The following NCOA2 variants were observed in gnomAD, a reference collection of about 807,000 sequenced individuals.
The protein encoded by NCOA2 is class E basic helix-loop-helix protein 75.
Under a neutral mutation model 145.1 loss-of-function variants are expected in NCOA2, and 21 were observed. That is an observed-to-expected ratio of 0.14 (90% CI 0.10 to 0.21). The LOEUF is 0.21. Among genes scored for constraint, NCOA2 ranks in the 10% least tolerant of loss-of-function variants. NCOA2 has a pLI of 1.00. For missense variants in NCOA2, 1,472 were observed against 1,837.6 expected (o/e 0.80, Z 3.64); for synonymous variants, 619 against 637.5 (o/e 0.97, Z 0.44).
chr8:70,360,837 C>T (rs1810130461), intron 1 of NCOA2, among the ~76,000 whole-genome samples: 1 of 150,366 alleles, frequency 6.7e-6, no homozygotes, highest in African/African-American at 2.5e-5. Flanking sequence ...ACCAGGGAGG[C>T]TGAGGCAGAA....
chr8:70,232,072 A>C (rs1005746805), intron 2 of NCOA2, among the ~76,000 whole-genome samples: 1 of 152,098 alleles, frequency 6.6e-6, no homozygotes, highest in Non-Finnish European at 1.5e-5. Context: ...TCATGCCCTG[A>C]ACCTTGTTAT....
intron 4 of NCOA2, among the ~76,000 whole-genome samples, chr8:70,201,107 C>T (rs1369071302): frequency 1.4e-5 from 2 of 145,292 alleles, no homozygotes; most frequent in African/African-American, 2.5e-5. Context: ...CTGAACTGCA[C>T]ATTTAAAGAT....
chr8:70,137,973 A>G lies in NCOA2; in HGVS notation c.3158+230T>C, dbSNP rs1585791213. ...TTTTTATACCACACACTACCTCAAT[A>G]TTACAGTTATCAGCATACATATGTT... On this transcript the variant is annotated intron_variant, in intron 15 of 22. Transcript: ENST00000452400. 5 of 357,444 alleles carry G rather than the reference A, an allele frequency of 1.4e-5. No individual in the cohort carries two copies. In the East Asian group the frequency reaches 2.1e-4, roughly 15 times the overall value. The allele number at this position is 357,444 out of a possible 1,614,324, so 22.1% of individuals were successfully genotyped here.
rs187325448 is a variant in NCOA2 at position 70,382,275 on chromosome 8, G to A, written c.-77+21425C>T. Among the ~76,000 whole-genome samples, 127 of 152,150 alleles carry A rather than the reference G, an allele frequency of 8.3e-4. 1 individual carries two copies. Among genetic ancestry groups the A allele is most frequent in the African/African-American group, 2.9e-3 (122 of 41,532 alleles). ...AAAAGTCAGTGCCCCGAGGCCAGGA[G>A]GAGGCCCACCTGACACAAGCAGGCA... is the stretch of plus-strand genomic sequence containing the variant. On this transcript the variant is annotated intron_variant, in intron 1 of 22. Transcript: ENST00000452400.
the NCOA2 span, among the ~76,000 whole-genome samples, chr8:70,446,327 C>T: frequency 6.6e-6 from 1 of 152,196 alleles, no homozygotes; most frequent in Non-Finnish European, 1.5e-5. Flanking sequence ...CCTCAGATAG[C>T]TTCGTAGTCA....
chr8:70,257,911 T>C (rs1235555423), intron 2 of NCOA2, among the ~76,000 whole-genome samples: 8 of 151,958 alleles, frequency 5.3e-5, no homozygotes, highest in Non-Finnish European at 7.4e-5. Flanking sequence ...GAGCATGTCT[T>C]TTTTCTTTTC....
At chr8:70,238,389 A>G (rs568234198) in intron 2 of NCOA2, among the ~76,000 whole-genome samples, 6 of 151,012 alleles carry the variant, frequency 4.0e-5, no homozygotes, top group Non-Finnish European at 8.8e-5. Context: ...CAATGTAAAT[A>G]TTGTTCCTAT....
chr8:70,399,975 G>A (rs1203812127), intron 1 of NCOA2, among the ~76,000 whole-genome samples: 1 of 152,210 alleles, frequency 6.6e-6, no homozygotes, highest in African/African-American at 2.4e-5. Flanking sequence ...ACTGCTCACA[G>A]ATCCTTGATG....
intron 2 of NCOA2, among the ~76,000 whole-genome samples, chr8:70,288,367 TTAG>T (rs1242707816): frequency 1.4e-4 from 21 of 151,980 alleles, no homozygotes; most frequent in Admixed American, 1.3e-3. Context: ...TCCCCTGAGG[TTAG>T]GAGTTCAAGA....
chr8:70,338,366 T>TATA (rs1807823223), intron 1 of NCOA2, among the ~76,000 whole-genome samples: 1 of 152,010 alleles, frequency 6.6e-6, no homozygotes, highest in African/African-American at 2.4e-5. Flanking sequence ...CCTGGACACA[T>TATA]ACACCCTCCC....
intron 6 of NCOA2, among the ~76,000 whole-genome samples, 190 bp from the exon 7 acceptor site, chr8:70,166,944 G>C (rs1464920012): frequency 1.3e-5 from 2 of 151,898 alleles, no homozygotes; most frequent in Non-Finnish European, 2.9e-5. Flanking sequence ...GGAATATCTT[G>C]GGATTTTCTT....
At chr8:70,319,281 C>A (rs936618300) in intron 1 of NCOA2, among the ~76,000 whole-genome samples, 1 of 151,958 alleles carries the variant, frequency 6.6e-6, no homozygotes, top group Non-Finnish European at 1.5e-5. Flanking sequence ...GTGGCTAACA[C>A]CTGTAATCCC....
chr8:70,186,939 T>C (rs1015747444), intron 4 of NCOA2, among the ~76,000 whole-genome samples: 4 of 152,238 alleles, frequency 2.6e-5, no homozygotes, highest in African/African-American at 4.8e-5. Flanking sequence ...CATTTCATAA[T>C]GACAACAGGA....
chr8:70,175,499 C>T (rs1814725334), intron 4 of NCOA2, among the ~76,000 whole-genome samples: 1 of 152,226 alleles, frequency 6.6e-6, no homozygotes, highest in Non-Finnish European at 1.5e-5. Context: ...AGCAGAAAGG[C>T]GCGTAGCGTG....
At chr8:70,194,225 A>C (rs1369749530) in intron 4 of NCOA2, among the ~76,000 whole-genome samples, 1 of 152,212 alleles carries the variant, frequency 6.6e-6, no homozygotes, top group African/African-American at 2.4e-5. Flanking sequence ...AAATCTAATA[A>C]ATTCATTTTC....
intron 1 of NCOA2, among the ~76,000 whole-genome samples, chr8:70,332,292 A>C (rs943739386): frequency 6.6e-6 from 1 of 152,204 alleles, no homozygotes; most frequent in African/African-American, 2.4e-5. Context: ...TGCCAAGTTT[A>C]GCCCACTGTG....
the NCOA2 span, among the ~76,000 whole-genome samples, chr8:70,449,448 A>G: frequency 6.6e-6 from 1 of 152,226 alleles, no homozygotes; most frequent in African/African-American, 2.4e-5. Context: ...GTAAAGCAGG[A>G]TTATGCAGGA....
intron 1 of NCOA2, among the ~76,000 whole-genome samples, chr8:70,364,684 C>G (rs1326474682): frequency 6.6e-6 from 1 of 151,108 alleles, no homozygotes; most frequent in Admixed American, 6.6e-5. Context: ...AGACTCAAAA[C>G]CAAATGCATC....
chr8:70,448,399 AC>A, the NCOA2 span, among the ~76,000 whole-genome samples: 2 of 152,186 alleles, frequency 1.3e-5, no homozygotes, highest in African/African-American at 2.4e-5. Flanking sequence ...GCAAAACAAA[AC>A]AAAAATATCA....
Sources: allele counts gnomAD v4.1 joint callset (sites outside exome capture counted in the v4.1 genomes callset), GRCh38; gene constraint gnomAD v4.1.1; transcripts MANE v1.5; gene names NCBI Gene and HGNC (gene_info 2026-07-23, HGNC 2026-07-21).